The following USP8 variants were observed in gnomAD, a reference collection of about 807,000 sequenced individuals.
The protein encoded by USP8 is ubiquitin specific peptidase 8.
A neutral mutation model predicts 130.0 loss-of-function variants in USP8; 27 were observed. The ratio of observed to expected loss-of-function variants is 0.21; its 90% CI spans 0.15 to 0.29. The LOEUF (loss-of-function observed/expected upper bound fraction) is 0.29. Among genes scored for constraint, USP8 ranks in the 10% least tolerant of loss-of-function variants. The pLI, the probability that USP8 is intolerant of heterozygous loss-of-function variation, is 1.00. For missense variants in USP8, 1,029 were observed against 1,312.2 expected (o/e 0.78, Z 3.33); for synonymous variants, 392 against 444.1 (o/e 0.88, Z 1.48).
rs191279773 is a variant in USP8, at chr15:50,468,403, C to T, written c.686+3212C>T. 2.6e-4 allele frequency among the ~76,000 whole-genome samples: 40 copies of T among 151,056 alleles called. 1 individual carries two copies. In the East Asian group the frequency reaches 5.4e-3, roughly 21 times the overall value. On this transcript the variant is annotated intron_variant, in intron 7 of 19. Transcript: ENST00000307179. ...GATTATAGGTGTGCGCCACCACACCCGGCTAATTTTTGTATTTTTAGTAGA... is the reference window on the plus strand; with the variant it reads ...GATTATAGGTGTGCGCCACCACACCTGGCTAATTTTTGTATTTTTAGTAGA...
chr15:50,503,700 C>G lies in USP8; in HGVS notation c.*4612C>G, dbSNP rs1301075557. 1 of 152,160 alleles carries G rather than the reference C, an allele frequency of 6.6e-6. No homozygotes were observed. Among genetic ancestry groups the G allele is most frequent in the Non-Finnish European group, 1.5e-5 (1 of 68,038 alleles). The allele number at this position is 152,160 out of a possible 1,614,324, so 9.4% of individuals were successfully genotyped here. A position where few individuals can be genotyped will look rare whatever the true frequency, so the allele number is the denominator to read the frequency against. ...ATACTACCTGTGTGGTCTGCGAATC[C>G]TGTGAACTTAATATGAAAAGTATTT... On this transcript the variant is annotated 3_prime_UTR_variant, in exon 20 of 20. Transcript: ENST00000307179.
Position 50,499,247 on chromosome 15 carries a change from C to CAAAT in USP8, c.*162_*165dup, listed in dbSNP as rs1381880483. ...ACTATATAATTCCGGTCAGTGCTGA[C>CAAAT]AAATAACATTTAACAAGTATTGCAG... On this transcript the variant is annotated 3_prime_UTR_variant, in exon 20 of 20. Transcript: ENST00000307179. 8.9e-6 allele frequency: 5 copies of CAAAT among 561,238 alleles called. No homozygotes were observed. The highest frequency in any genetic ancestry group is 5.1e-4 in the Middle Eastern group (1 of 1,970). The allele number at this position is 561,238 out of a possible 1,614,324, so 34.8% of individuals were successfully genotyped here. A position where few individuals can be genotyped will look rare whatever the true frequency, so the allele number is the denominator to read the frequency against.
At chr15:50,457,968 T>G (rs1201105900) in intron 4 of USP8, among the ~76,000 whole-genome samples, 1 of 152,244 alleles carries the variant, frequency 6.6e-6, no homozygotes, top group Non-Finnish European at 1.5e-5. Flanking sequence ...CGTCTTTTAC[T>G]AATTATTGAC....
intron 18 of USP8, chr15:50,498,327 T>C: frequency 3.3e-6 from 1 of 299,442 alleles, no homozygotes. Context: ...CATGTAGCAG[T>C]TGTAGCTGGA....
At chr15:50,435,046 GC>G (rs2050054669) in intron 1 of USP8, among the ~76,000 whole-genome samples, 1 of 152,204 alleles carries the variant, frequency 6.6e-6, no homozygotes, top group African/African-American at 2.4e-5. Context: ...GTTTGTTGTT[GC>G]TGCTGCTGTT....
intron 8 of USP8, among the ~76,000 whole-genome samples, chr15:50,473,051 G>A (rs927770841): frequency 1.3e-5 from 2 of 152,152 alleles, no homozygotes; most frequent in African/African-American, 4.8e-5. Context: ...AAAATAAGTC[G>A]TGGGCACAGA....
At chr15:50,453,841 C>G (rs1348575249) in intron 4 of USP8, among the ~76,000 whole-genome samples, 13 of 136,410 alleles carry the variant, frequency 9.5e-5, no homozygotes, top group Non-Finnish European at 3.2e-5. Flanking sequence ...TTATGTCCCT[C>G]TTTACCTCTG....
intron 3 of USP8, among the ~76,000 whole-genome samples, chr15:50,442,215 C>T (rs953292741): frequency 2.0e-5 from 3 of 152,156 alleles, no homozygotes; most frequent in South Asian, 2.1e-4. Context: ...CTCAGTTGAT[C>T]TGCCTGCCTC....
intron 3 of USP8, among the ~76,000 whole-genome samples, chr15:50,442,848 C>A (rs2050305813): frequency 6.6e-6 from 1 of 152,172 alleles, no homozygotes; most frequent in African/African-American, 2.4e-5. Context: ...TTTACCTTTA[C>A]TTAGAAACAA....
At chr15:50,455,060 A>G (rs1298607469) in intron 4 of USP8, among the ~76,000 whole-genome samples, 2 of 151,318 alleles carry the variant, frequency 1.3e-5, no homozygotes, top group African/African-American at 2.4e-5. Context: ...TTTTTCAGTT[A>G]TATGTTTCAA....
intron 3 of USP8, among the ~76,000 whole-genome samples, chr15:50,448,445 A>G (rs942703356): frequency 6.6e-6 from 1 of 152,158 alleles, no homozygotes; most frequent in African/African-American, 2.4e-5. Flanking sequence ...TTTAAAAAAC[A>G]ACAACAACAA....
At position 50,511,159 on chromosome 15, in the gene USP8, G is replaced by C. The variant is rs1166171818; in HGVS notation, c.*12071G>C. 6.6e-6 allele frequency: 1 copy of C among 152,162 alleles called. No homozygotes were observed. Among genetic ancestry groups the C allele is most frequent in the East Asian group, 1.9e-4 (1 of 5,196 alleles). 9.4% of individuals were successfully genotyped at this position (152,162 alleles called of 1,614,324 possible). A position where few individuals can be genotyped will look rare whatever the true frequency, so the allele number is the denominator to read the frequency against. ...TTTTATTTTAAAAACTGGAGAGAGA[G>C]CACTTGAAAAGATGCTCAACATCAT... On this transcript the variant is annotated 3_prime_UTR_variant, in exon 20 of 20. Transcript: ENST00000307179.
At chr15:50,473,636 C>A (rs1595954969) in intron 8 of USP8, among the ~76,000 whole-genome samples, 1 of 151,464 alleles carries the variant, frequency 6.6e-6, no homozygotes, top group Admixed American at 6.6e-5. Flanking sequence ...GTAGCTGGGA[C>A]TACAGGTACG....
intron 4 of USP8, among the ~76,000 whole-genome samples, chr15:50,454,180 A>C (rs1257513873): frequency 6.6e-6 from 1 of 151,962 alleles, no homozygotes; most frequent in East Asian, 1.9e-4. Flanking sequence ...TTCATTCTTA[A>C]GGGATTTTAA....
Position 50,439,156 on chromosome 15 carries a change from C to T in USP8, c.83C>T (p.Pro28Leu). Residue 28 changes from proline to leucine, a missense_variant, in exon 2 of 20, where the codon CCA (proline) becomes CTA (leucine). Transcript: ENST00000307179. The stretch of plus-strand genomic sequence containing the variant: ...CTTAATAAGAAGACAGAAGTTAAAC[C>T]AGAGAAAATAAGCACTAAGAGGTAT... ...KDLNKKTEVKPEKISTKSYVH... is the reference protein window; with the variant it reads ...KDLNKKTEVKLEKISTKSYVH... 1.9e-6 allele frequency: 3 copies of T among 1,574,098 alleles called. No homozygotes were observed. Among genetic ancestry groups the T allele is most frequent in the Non-Finnish European group, 2.6e-6 (3 of 1,166,112 alleles).
chr15:50,453,948 C>T (rs573185995), intron 4 of USP8, among the ~76,000 whole-genome samples: 36 of 147,644 alleles, frequency 2.4e-4, no homozygotes, highest in African/African-American at 6.2e-4. Flanking sequence ...CTGCAACTCC[C>T]GCCCCCAGGT....
chr15:50,427,871 A>T (rs575787929), intron 1 of USP8, among the ~76,000 whole-genome samples: 1 of 144,308 alleles, frequency 6.9e-6, no homozygotes, highest in Non-Finnish European at 1.5e-5. Context: ...TTTTTTTTTT[A>T]AACTGAGACA....
rs2052551863 is a variant in USP8, at chr15:50,499,989, T to C, written c.*901T>C. 1 of 152,174 alleles carries C rather than the reference T, an allele frequency of 6.6e-6. No homozygotes were observed. Among genetic ancestry groups the C allele is most frequent in the Non-Finnish European group, 1.5e-5 (1 of 68,030 alleles). The allele number at this position is 152,174 out of a possible 1,614,324, so 9.4% of individuals were successfully genotyped here. On this transcript the variant is annotated 3_prime_UTR_variant, in exon 20 of 20. Coordinates refer to ENST00000307179, the MANE Select transcript of USP8 (RefSeq NM_005154.5). ...TTGCAAAGTGAACTGCATTATAAAC[T>C]ACATCTTTACAGAGTGATGTATTAA...
At chr15:50,491,809 C>G (rs1008002803) in intron 14 of USP8, among the ~76,000 whole-genome samples, 1 of 152,182 alleles carries the variant, frequency 6.6e-6, no homozygotes, top group South Asian at 2.1e-4. Flanking sequence ...TAGAAATGTA[C>G]TGTATCTGTG....
Sources: gnomAD v4.1 joint callset for allele counts (sites outside exome capture counted in the v4.1 genomes callset) on GRCh38, gnomAD v4.1.1 for gene constraint, MANE v1.5 for transcripts, NCBI Gene and HGNC (gene_info 2026-07-23, HGNC 2026-07-21) for gene names.